Variants in EPM2A observed in about 807,000 individuals in gnomAD.
EPM2A encodes the protein laforin.
Under a neutral mutation model 26.5 loss-of-function variants are expected in EPM2A, and 21 were observed. The observed-to-expected ratio is 0.79, with a 90% CI of 0.56 to 1.14. EPM2A has a LOEUF of 1.14. Among genes scored for constraint, EPM2A ranks in the 50% most tolerant of loss-of-function variants. The pLI, the probability that EPM2A is intolerant of heterozygous loss-of-function variation, is 0.00. For synonymous variants in EPM2A, 217 were observed against 177.6 expected (o/e 1.22, Z -1.76); for missense variants, 458 against 440.8 (o/e 1.04, Z -0.35).
chr6:145,703,154 A>G (rs1385587155), intron 1 of EPM2A, among the ~76,000 whole-genome samples: 3 of 146,286 alleles, frequency 2.1e-5, no homozygotes, highest in Non-Finnish European at 4.4e-5. Flanking sequence ...GTGCAGTGGC[A>G]CCATCTCACT....
chr6:145,710,328 C>T (rs1382309203), intron 1 of EPM2A, among the ~76,000 whole-genome samples: 1 of 152,228 alleles, frequency 6.6e-6, no homozygotes, highest in African/African-American at 2.4e-5. Context: ...ACAGACACTT[C>T]TCAAACGAAG....
chr6:145,498,722 A>G (rs1365050244), downstream of EPM2A, among the ~76,000 whole-genome samples: 2 of 152,010 alleles, frequency 1.3e-5, no homozygotes, highest in Non-Finnish European at 2.9e-5. Context: ...CAGTGCAAGT[A>G]CCTGTATGTT....
chr6:145,650,648 A>C (rs1239226949), intron 2 of EPM2A, among the ~76,000 whole-genome samples: 1 of 152,174 alleles, frequency 6.6e-6, no homozygotes, highest in Non-Finnish European at 1.5e-5. Flanking sequence ...TTCTTAAAGG[A>C]TAGGTATTAT....
chr6:145,658,910 T>G (rs949777535), intron 2 of EPM2A, among the ~76,000 whole-genome samples: 2 of 152,186 alleles, frequency 1.3e-5, no homozygotes, highest in Admixed American at 1.3e-4. Context: ...GCTTAGATAC[T>G]TTTTCATATA....
At chr6:145,672,949 G>C (rs1422419498) in intron 2 of EPM2A, among the ~76,000 whole-genome samples, 1 of 152,118 alleles carries the variant, frequency 6.6e-6, no homozygotes, top group Non-Finnish European at 1.5e-5. Context: ...TATATACTCA[G>C]AGCCTCTAAT....
At position 145,686,087 on chromosome 6, in the gene EPM2A, T is replaced by A. The variant is rs6902952; in HGVS notation, c.476+35A>T. 20,332 of 1,572,912 alleles carry A rather than the reference T, an allele frequency of 0.013. 2,130 individuals carry two copies. The African/African-American group carries it at 0.23, about 18-fold the overall frequency. On this transcript the variant is annotated intron_variant, in intron 2 of 3. Transcript: ENST00000367519. ...ATTGTGCTAATGCTATCTCTTGTCC[T>A]ACTTCTATGCCTATAAATATAGCAC...
intron 4 of EPM2A, among the ~76,000 whole-genome samples, chr6:145,419,072 A>T (rs1778745987): frequency 6.6e-6 from 1 of 151,962 alleles, no homozygotes. Flanking sequence ...TTCCCACGTG[A>T]CTTTACCTGC....
At chr6:145,451,598 A>T (rs1779196096) in intron 4 of EPM2A, among the ~76,000 whole-genome samples, 1 of 152,246 alleles carries the variant, frequency 6.6e-6, no homozygotes, top group Non-Finnish European at 1.5e-5. Context: ...TTAGAAACTG[A>T]TATGAGAATC....
At chr6:145,452,278 C>T (rs1410892454) in intron 4 of EPM2A, among the ~76,000 whole-genome samples, 1 of 152,000 alleles carries the variant, frequency 6.6e-6, no homozygotes, top group Non-Finnish European at 1.5e-5. Flanking sequence ...TCTTTACCTG[C>T]TGTGTGACCT....
intron 2 of EPM2A, among the ~76,000 whole-genome samples, chr6:145,679,699 AATGCAAAG>A (rs1356064601): frequency 6.6e-6 from 1 of 152,156 alleles, no homozygotes; most frequent in East Asian, 1.9e-4. Context: ...CACTATTGGA[AATGCAAAG>A]ATTCTGCAGG....
chr6:145,640,729 T>C (rs919206030), intron 2 of EPM2A: 1 of 152,170 alleles, frequency 6.6e-6, no homozygotes, highest in African/African-American at 2.4e-5. Flanking sequence ...ATAATTTAGA[T>C]CTCATTAGTG....
intron 4 of EPM2A, among the ~76,000 whole-genome samples, chr6:145,435,586 AT>A (rs891506569): frequency 7.9e-5 from 12 of 151,572 alleles, no homozygotes; most frequent in East Asian, 3.9e-4. Flanking sequence ...TTTTTAATTT[AT>A]TTTTTTTAAT....
chr6:145,723,471 A>C (rs954691775), intron 1 of EPM2A, among the ~76,000 whole-genome samples: 46 of 152,182 alleles, frequency 3.0e-4, no homozygotes, highest in Non-Finnish European at 6.0e-4. Context: ...AAAGAATTAG[A>C]AATAAGTTAA....
At chr6:145,680,548 C>G (rs901910317) in intron 2 of EPM2A, among the ~76,000 whole-genome samples, 2 of 151,874 alleles carry the variant, frequency 1.3e-5, no homozygotes, top group African/African-American at 4.8e-5. Flanking sequence ...CCACTCCCCC[C>G]ACCCCACAAC....
intron 1 of EPM2A, among the ~76,000 whole-genome samples, chr6:145,727,913 GA>G (rs1426444256): frequency 1.3e-4 from 20 of 152,274 alleles, no homozygotes; most frequent in African/African-American, 4.6e-4. Context: ...GGGGCCTGGT[GA>G]GAGACGATTG....
chr6:145,500,688 C>A (rs951400068), downstream of EPM2A, among the ~76,000 whole-genome samples: 1 of 152,180 alleles, frequency 6.6e-6, no homozygotes, highest in African/African-American at 2.4e-5. Context: ...GAAGCTCCCC[C>A]ACTGTGTTCC....
chr6:145,672,111 G>A (rs574878320), intron 2 of EPM2A, among the ~76,000 whole-genome samples: 1 of 152,292 alleles, frequency 6.6e-6, no homozygotes, highest in African/African-American at 2.4e-5. Flanking sequence ...AATGCACATT[G>A]ATTTTTAAAA....
chr6:145,621,701 G>GA (rs1775638143), downstream of EPM2A, among the ~76,000 whole-genome samples: 1 of 151,510 alleles, frequency 6.6e-6, no homozygotes, highest in Non-Finnish European at 1.5e-5. Context: ...TAATGATGCT[G>GA]AGCACCTTTT....
intron 4 of EPM2A, among the ~76,000 whole-genome samples, chr6:145,420,773 T>C (rs1778770923): frequency 6.6e-6 from 1 of 152,072 alleles, no homozygotes; most frequent in Non-Finnish European, 1.5e-5. Context: ...CTTACAGTTC[T>C]AGAGAGAGCC....
Sources: gnomAD v4.1 joint callset for allele counts (sites outside exome capture counted in the v4.1 genomes callset) on GRCh38, gnomAD v4.1.1 for gene constraint, MANE v1.5 for transcripts, NCBI Gene and HGNC (gene_info 2026-07-23, HGNC 2026-07-21) for gene names.